The following ZNF469 variants were observed in gnomAD, a reference collection of about 807,000 sequenced individuals.
The protein encoded by ZNF469 is zinc finger protein 469.
A neutral mutation model predicts 1.0 loss-of-function variants in ZNF469; 1 was observed. The observed-to-expected ratio is 1.00, with a 90% CI of 0.35 to 4.73. The LOEUF is 4.73. Among genes scored for constraint, ZNF469 ranks in the 30% most tolerant of loss-of-function variants. The pLI is 0.16. For synonymous variants in ZNF469, 2,703 were observed against 2,363.4 expected, an observed-to-expected ratio of 1.14 and a Z score of -4.17; for missense variants, 6,100 against 5,356.3, an observed-to-expected ratio of 1.14 and a Z score of -4.33.
intron 1 of ZNF469, among the ~76,000 whole-genome samples, chr16:88,422,281 A>AATGGATGGATGGATGG (rs149579956): frequency 0.77 from 93,277 of 121,484 alleles, 37,398 homozygotes; most frequent in South Asian, 0.91. Flanking sequence ...ATAGGTGGGT[A>AATGGATGGATGGATGG]ATGGATGGAT....
At chr16:88,210,184 A>G in the ZNF469 span, among the ~76,000 whole-genome samples, 1 of 151,988 alleles carries the variant, frequency 6.6e-6, no homozygotes, top group Admixed American at 6.6e-5. Context: ...CCCATTTATA[A>G]ACATTTTTGG....
the ZNF469 span, among the ~76,000 whole-genome samples, chr16:88,356,749 G>C: frequency 6.6e-6 from 1 of 152,210 alleles, no homozygotes; most frequent in South Asian, 2.1e-4. Flanking sequence ...CATGTGCAGA[G>C]GGGTCAGTCC....
In ZNF469 at chr16:88,436,951, G is replaced by GGGCACCTGCAGGAGA; in HGVS notation, c.9487_9501dup (p.Leu3163_His3167dup). The GGGCACCTGCAGGAGA allele has an allele frequency of 6.7e-7, 1 of 1,495,388 alleles. No individual in the cohort carries two copies. Among genetic ancestry groups the GGGCACCTGCAGGAGA allele is most frequent in the Non-Finnish European group, 8.9e-7 (1 of 1,123,872 alleles). The allele number at this position is 1,495,388 out of a possible 1,614,324, so 92.6% of individuals were successfully genotyped here. A position where few individuals can be genotyped will look rare whatever the true frequency, so the allele number is the denominator to read the frequency against. On this transcript the variant is annotated inframe_insertion, in exon 3 of 3. Coordinates refer to ENST00000565624, the MANE Select transcript of ZNF469 (RefSeq NM_001367624.2). ...GTTTGGCTCGCGGGAGCTGCTGCGG[G>GGGCACCTGCAGGAGA]GGCACCTGCAGGAGAGGCACGCGCA...
chr16:88,119,357 G>A, the ZNF469 span, among the ~76,000 whole-genome samples: 3 of 152,170 alleles, frequency 2.0e-5, no homozygotes, highest in African/African-American at 7.2e-5. Flanking sequence ...AAGCCTGGCC[G>A]TCCGCAGCCT....
chr16:88,148,276 C>T, the ZNF469 span, among the ~76,000 whole-genome samples: 2 of 152,162 alleles, frequency 1.3e-5, no homozygotes, highest in Non-Finnish European at 2.9e-5. Flanking sequence ...GCCTCGTTCC[C>T]AGCTCCACCA....
the ZNF469 span, among the ~76,000 whole-genome samples, chr16:88,334,774 C>T: frequency 1.1e-4 from 17 of 152,166 alleles, no homozygotes; most frequent in African/African-American, 3.6e-4. Flanking sequence ...TGGGAAGATG[C>T]CGACGGGAGG....
chr16:88,189,171 C>G, the ZNF469 span, among the ~76,000 whole-genome samples: 2 of 152,236 alleles, frequency 1.3e-5, no homozygotes, highest in African/African-American at 4.8e-5. The surrounding 1 kb of genome is among the most constrained non-coding windows in gnomAD (Gnocchi z 4.3). Flanking sequence ...AATTATACCT[C>G]TGTTGGACCT....
the ZNF469 span, among the ~76,000 whole-genome samples, chr16:88,121,227 G>C: frequency 8.1e-4 from 66 of 81,604 alleles, no homozygotes; most frequent in Middle Eastern, 9.3e-3. Flanking sequence ...CATGGTGAAG[G>C]GGGGGAGGTT....
chr16:88,135,430 C>A, the ZNF469 span, among the ~76,000 whole-genome samples: 70 of 152,334 alleles, frequency 4.6e-4, no homozygotes, highest in African/African-American at 1.7e-3. Flanking sequence ...TCCAGATGGA[C>A]GAGGTTGGCC....
At chr16:88,383,977 C>T (rs1307437110) in intron 1 of ZNF469, among the ~76,000 whole-genome samples, 1 of 152,226 alleles carries the variant, frequency 6.6e-6, no homozygotes, top group East Asian at 1.9e-4. Flanking sequence ...CTCCCGCGGC[C>T]ACCCAGTCCT....
chr16:88,368,866 G>T, the ZNF469 span, among the ~76,000 whole-genome samples: 3 of 152,152 alleles, frequency 2.0e-5, no homozygotes, highest in African/African-American at 7.2e-5. Context: ...ATCACTTGAG[G>T]TCAGGAGTTC....
At position 88,431,318 on chromosome 16, in the gene ZNF469, G is replaced by A. The variant is rs1314435533; in HGVS notation, c.3848G>A (p.Ser1283Asn). 6.5e-7 allele frequency: 1 copy of A among 1,549,862 alleles called. No individual in the cohort carries two copies. Among genetic ancestry groups the A allele is most frequent in the African/African-American group, 1.4e-5 (1 of 73,190 alleles). Residue 1283 changes from serine to asparagine, a missense_variant, in exon 3 of 3, where the codon AGC (serine) becomes AAC (asparagine). Ser to Asn is a conservative substitution (Grantham distance 46). Coordinates refer to ENST00000565624, the MANE Select transcript of ZNF469 (RefSeq NM_001367624.2). ...HDTGTPKPSG[S>N]LANTAPHGSS... The stretch of plus-strand genomic sequence containing the variant: ...ACCGGCACCCCCAAGCCGTCGGGAA[G>A]CCTCGCCAACACGGCGCCCCACGGA...
chr16:88,125,649 T>C, the ZNF469 span, among the ~76,000 whole-genome samples: 2 of 152,234 alleles, frequency 1.3e-5, no homozygotes, highest in Non-Finnish European at 2.9e-5. Flanking sequence ...GTCTAGCTCA[T>C]ACTTTGTAAA....
intron 1 of ZNF469, among the ~76,000 whole-genome samples, chr16:88,400,625 A>G (rs1427683237): frequency 5.9e-5 from 9 of 152,136 alleles, no homozygotes; most frequent in Admixed American, 1.3e-4. Flanking sequence ...CAGCAGCAAC[A>G]GCTGGACCCA....
chr16:88,163,659 TG>T, the ZNF469 span, among the ~76,000 whole-genome samples: 4 of 150,014 alleles, frequency 2.7e-5, no homozygotes, highest in Non-Finnish European at 4.4e-5. Flanking sequence ...GATGGATAGT[TG>T]GGTAGATGGG....
chr16:88,394,684 T>C (rs1288353183), intron 1 of ZNF469, among the ~76,000 whole-genome samples: 1 of 152,214 alleles, frequency 6.6e-6, no homozygotes, highest in African/African-American at 2.4e-5. Context: ...TGTCATTTTT[T>C]TGGCCCTGAA....
chr16:88,256,907 T>TC, the ZNF469 span, among the ~76,000 whole-genome samples: 27 of 5,354 alleles, frequency 5.0e-3, no homozygotes, highest in Admixed American at 8.9e-3. Context: ...TCTTTCTTTC[T>TC]TTCTTTCTTT....
the ZNF469 span, among the ~76,000 whole-genome samples, chr16:88,141,351 G>C: frequency 7.2e-5 from 11 of 152,170 alleles, no homozygotes; most frequent in African/African-American, 2.2e-4. Context: ...CATGCAGCCC[G>C]GGAAAGACGC....
At chr16:88,421,732 G>T (rs931557198) in intron 1 of ZNF469, among the ~76,000 whole-genome samples, 2 of 152,270 alleles carry the variant, frequency 1.3e-5, no homozygotes, top group Admixed American at 6.5e-5. Flanking sequence ...CCTTTGTTCA[G>T]CGCGGAAGAA....
Sources: allele counts gnomAD v4.1 joint callset (sites outside exome capture counted in the v4.1 genomes callset), GRCh38; gene constraint gnomAD v4.1.1; non-coding constraint Gnocchi (gnomAD v3.1); transcripts MANE v1.5; gene names NCBI Gene and HGNC (gene_info 2026-07-23, HGNC 2026-07-21).